Variants in GABRR1 observed in about 807,000 individuals in gnomAD.
GABRR1 encodes the protein gamma-aminobutyric acid receptor subunit rho-1.
In GABRR1, 59 loss-of-function variants were observed where a neutral mutation model predicts 55.5. That is an observed-to-expected ratio of 1.06 (90% CI 0.86 to 1.32). The LOEUF (loss-of-function observed/expected upper bound fraction) is 1.32, where lower values mean the gene tolerates loss of function less well. Ranked by LOEUF, GABRR1 falls within the 40% of genes most tolerant of loss-of-function variation. The probability of loss-of-function intolerance (pLI) is 0.00; values close to 1 mark genes in which losing one functional copy is unlikely to be tolerated. For synonymous variants in GABRR1, 213 were observed against 226.0 expected (o/e 0.94, Z 0.51); for missense variants, 602 against 619.1 (o/e 0.97, Z 0.29).
chr6:89,224,391 C>T (rs1021340884), intron 1 of GABRR1, among the ~76,000 whole-genome samples: 8 of 152,136 alleles, frequency 5.3e-5, no homozygotes, highest in African/African-American at 1.9e-4. Flanking sequence ...CATGCCCAGC[C>T]TGCATTGTGG....
At position 89,199,421 on chromosome 6, in the gene GABRR1, T is replaced by C. The variant is rs1772397304; in HGVS notation, c.289A>G (p.Ile97Val). Reference sequence around the variant, plus strand: ...ACCTGCACATCCACACCAACAGGAATGGCAGGGCCTGGGGACAGAGCATGG... The same window carrying C: ...ACCTGCACATCCACACCAACAGGAACGGCAGGGCCTGGGGACAGAGCATGG... ...SMRPGFGGPA[I>V]PVGVDVQVES... Residue 97 changes from isoleucine (I) to valine (V), a missense_variant, in exon 4 of 10, where the codon ATT becomes GTT. Coordinates refer to ENST00000454853, the MANE Select transcript of GABRR1 (RefSeq NM_002042.5). 1 of 1,613,998 alleles carries C rather than the reference T, an allele frequency of 6.2e-7. No homozygotes were observed. The highest frequency in any genetic ancestry group is 8.5e-7 in the Non-Finnish European group (1 of 1,179,886).
intron 1 of GABRR1, among the ~76,000 whole-genome samples, chr6:89,212,476 G>A (rs1471486862): frequency 6.6e-6 from 1 of 151,930 alleles, no homozygotes; most frequent in East Asian, 1.9e-4. Context: ...TTCACCTTCA[G>A]AATAAACGTG....
chr6:89,182,280 G>A (rs1472417613), intron 7 of GABRR1, among the ~76,000 whole-genome samples: 5 of 152,082 alleles, frequency 3.3e-5, no homozygotes, highest in African/African-American at 7.2e-5. Context: ...ATTTACAAAC[G>A]GAATCCCTTG....
chr6:89,196,950 C>T (rs1772316142), intron 5 of GABRR1, among the ~76,000 whole-genome samples: 1 of 152,006 alleles, frequency 6.6e-6, no homozygotes, highest in Non-Finnish European at 1.5e-5. Context: ...AGAACCAGCT[C>T]AACATGGCTT....
At chr6:89,202,029 G>A (rs1024887643) in intron 2 of GABRR1, among the ~76,000 whole-genome samples, 3 of 152,254 alleles carry the variant, frequency 2.0e-5, no homozygotes, top group Non-Finnish European at 2.9e-5. Flanking sequence ...CCTGATCTCT[G>A]TTGGCCCACT....
At chr6:89,229,541 T>A (rs1773250692) in intron 1 of GABRR1, among the ~76,000 whole-genome samples, 1 of 149,054 alleles carries the variant, frequency 6.7e-6, no homozygotes, top group Non-Finnish European at 1.5e-5. Context: ...TGGCTGGATA[T>A]GAAATTCTGC....
intron 7 of GABRR1, among the ~76,000 whole-genome samples, chr6:89,183,965 C>T (rs139145131): frequency 8.3e-4 from 126 of 152,200 alleles, no homozygotes; most frequent in African/African-American, 2.7e-3. Flanking sequence ...TTCAGCTGGG[C>T]GCAGTGGTTC....
At position 89,196,651 on chromosome 6, in the gene GABRR1, C is replaced by A. The variant is rs181915940; in HGVS notation, c.572+1369G>T. On this transcript the variant is annotated intron_variant, in intron 5 of 9. Coordinates refer to ENST00000454853, the MANE Select transcript of GABRR1 (RefSeq NM_002042.5). ...AATTAGCTGGGCATAGTGACACATG[C>A]CTTTGGTCCCAGCCACTTGGGAGGC... 2.7e-4 allele frequency among the ~76,000 whole-genome samples: 41 copies of A among 152,004 alleles called. No homozygotes were observed. In the Middle Eastern group the frequency reaches 0.01, roughly 38 times the overall value.
intron 5 of GABRR1, among the ~76,000 whole-genome samples, chr6:89,193,700 T>C (rs930676296): frequency 3.3e-5 from 5 of 152,078 alleles, no homozygotes; most frequent in African/African-American, 7.2e-5. Flanking sequence ...AAAACATAAA[T>C]AATAGCTTCC....
At chr6:89,193,030 TG>T (rs1490371912) in intron 5 of GABRR1, among the ~76,000 whole-genome samples, 3 of 152,226 alleles carry the variant, frequency 2.0e-5, no homozygotes, top group Non-Finnish European at 2.9e-5. Context: ...TCCTGTTATC[TG>T]TGGCTCCCTG....
At position 89,207,136 on chromosome 6, in the gene GABRR1, G is replaced by A. The variant is rs140442148; in HGVS notation, c.123-3651C>T. Reference sequence around the variant, plus strand: ...TTTCCAGTTGCATCCTGAGCTAGGAGAGTCAGTAGAAGGAAATATACCACT... The same window carrying A: ...TTTCCAGTTGCATCCTGAGCTAGGAAAGTCAGTAGAAGGAAATATACCACT... On this transcript the variant is annotated intron_variant, in intron 1 of 9. Transcript: ENST00000454853. Among the ~76,000 whole-genome samples the A allele has an allele frequency of 2.2e-4, 33 of 152,292 alleles. No homozygotes were observed. The East Asian group carries it at 6.2e-3, about 29-fold the overall frequency.
intron 1 of GABRR1, among the ~76,000 whole-genome samples, chr6:89,213,183 T>G (rs887104115): frequency 6.6e-6 from 1 of 152,160 alleles, no homozygotes; most frequent in African/African-American, 2.4e-5. Flanking sequence ...CTCTGGGGCA[T>G]GTAAGCACCT....
At chr6:89,185,569 G>T in intron 6 of GABRR1, 119 bp from the exon 7 acceptor site, 1 of 867,692 alleles carries the variant, frequency 1.2e-6, no homozygotes, top group Non-Finnish European at 1.8e-6. Flanking sequence ...TGATATGATA[G>T]TTTGAAAAAC....
intron 5 of GABRR1, among the ~76,000 whole-genome samples, chr6:89,190,541 G>A (rs1772054818): frequency 6.6e-6 from 1 of 152,148 alleles, no homozygotes; most frequent in Non-Finnish European, 1.5e-5. Context: ...ATAATAATGT[G>A]AAATAAAAAC....
rs149268616 is a variant in GABRR1 at position 89,192,948 on chromosome 6, G to T, written c.573-2701C>A. On this transcript the variant is annotated intron_variant, in intron 5 of 9. Coordinates refer to ENST00000454853, the MANE Select transcript of GABRR1 (RefSeq NM_002042.5). ...ATATTACCTTAGTAAAATCTACCAA[G>T]CATAATAGAGTATCTCACTTGTGGA... Among the ~76,000 whole-genome samples, 17 of 152,304 alleles carry T rather than the reference G, an allele frequency of 1.1e-4. No individual in the cohort carries two copies. In the East Asian group the frequency reaches 3.1e-3, roughly 28 times the overall value.
intron 6 of GABRR1, among the ~76,000 whole-genome samples, chr6:89,186,710 G>T (rs1384254803): frequency 2.6e-5 from 4 of 152,210 alleles, no homozygotes; most frequent in Non-Finnish European, 1.5e-5. Context: ...GTCTGGCTCT[G>T]CCACCGAGCT....
chr6:89,190,127 G>A, intron 6 of GABRR1, 38 bp downstream of exon 6: 2 of 1,413,588 alleles, frequency 1.4e-6, no homozygotes, highest in Non-Finnish European at 2.0e-6. Flanking sequence ...AGAATTATCA[G>A]GAGCTGTGTG....
intron 5 of GABRR1, among the ~76,000 whole-genome samples, chr6:89,195,968 G>A (rs1229018903): frequency 6.6e-6 from 1 of 152,152 alleles, no homozygotes; most frequent in Non-Finnish European, 1.5e-5. Flanking sequence ...GCCTAAAAGG[G>A]TGTTATGCCT....
At chr6:89,202,589 G>A (rs1772512386) in intron 2 of GABRR1, among the ~76,000 whole-genome samples, 1 of 150,912 alleles carries the variant, frequency 6.6e-6, no homozygotes, top group Admixed American at 6.6e-5. Flanking sequence ...CACCACACCT[G>A]GCCAGGTGTT....
Sources: gnomAD v4.1 joint callset for allele counts (sites outside exome capture counted in the v4.1 genomes callset) on GRCh38, gnomAD v4.1.1 for gene constraint, MANE v1.5 for transcripts, NCBI Gene and HGNC (gene_info 2026-07-23, HGNC 2026-07-21) for gene names.